Variants in CLSTN1 observed in about 807,000 individuals in gnomAD.
The protein encoded by CLSTN1 is calsyntenin 1.
A neutral mutation model predicts 108.3 loss-of-function variants in CLSTN1; 28 were observed. The ratio of observed to expected loss-of-function variants is 0.26; its 90% CI spans 0.19 to 0.35. The LOEUF is 0.35. Ranked by LOEUF, CLSTN1 falls within the 10% of genes least tolerant of loss-of-function variation. The pLI is 1.00. For synonymous variants in CLSTN1, 524 were observed against 534.9 expected, an observed-to-expected ratio of 0.98 and a Z score of 0.28; for missense variants, 1,157 against 1,302.6, an observed-to-expected ratio of 0.89 and a Z score of 1.72.
intron 1 of CLSTN1, among the ~76,000 whole-genome samples, chr1:9,793,579 C>T (rs1484531983): frequency 6.6e-6 from 1 of 151,516 alleles, no homozygotes; most frequent in South Asian, 2.2e-4. Context: ...GGAGGCCATT[C>T]GAAAGCTTTC....
chr1:9,770,263 A>C (rs1652605999), intron 2 of CLSTN1, among the ~76,000 whole-genome samples: 1 of 152,226 alleles, frequency 6.6e-6, no homozygotes, highest in Admixed American at 6.5e-5. Flanking sequence ...TTTGTACATC[A>C]GTAAAAAAAA....
chr1:9,767,976 C>T (rs1404955480), intron 2 of CLSTN1, among the ~76,000 whole-genome samples: 1 of 152,180 alleles, frequency 6.6e-6, no homozygotes, highest in Admixed American at 6.5e-5. Context: ...GCTAACATTC[C>T]CCCAAACCAA....
upstream of CLSTN1, chr1:9,824,018 T>TGGCGGCGGGAGGGGCGGGGA (rs1655306533): frequency 1.0e-5 from 1 of 99,764 alleles, no homozygotes; most frequent in African/African-American, 3.7e-5. This position sits in a 1 kb window ranked among gnomAD's most constrained non-coding sequence, Gnocchi z 5.0. Flanking sequence ...GGGGGCGGGG[T>TGGCGGCGGGAGGGGCGGGGA]GGCGGCGGGA....
intron 7 of CLSTN1, among the ~76,000 whole-genome samples, 178 bp downstream of exon 7, chr1:9,749,283 C>T (rs1301539666): frequency 6.6e-6 from 1 of 152,142 alleles, no homozygotes; most frequent in Non-Finnish European, 1.5e-5. Context: ...CTGCCCCACC[C>T]CCGAAGCCCA....
Position 9,734,553 on chromosome 1 carries a change from C to T in CLSTN1, c.2110+395G>A, listed in dbSNP as rs976930024. Among the ~76,000 whole-genome samples the T allele has an allele frequency of 5.4e-5, 8 of 146,994 alleles. No individual in the cohort carries two copies. Among genetic ancestry groups the T allele is most frequent in the Admixed American group, 2.1e-4 (3 of 14,588 alleles). On this transcript the variant is annotated intron_variant, in intron 14 of 18. Transcript: ENST00000377298. The surrounding 1 kb of genome is among the most constrained non-coding windows in gnomAD (Gnocchi z 4.8). ...TGACACCATTGCACTCCAGCCTGGG[C>T]GACAGAGTGAGACTCCATCTCAAAA...
Position 9,734,203 on chromosome 1 carries a change from C to T in CLSTN1, c.2111-61G>A, listed in dbSNP as rs1354047493. On this transcript the variant is annotated intron_variant, in intron 14 of 18. Coordinates refer to ENST00000377298, the MANE Select transcript of CLSTN1 (RefSeq NM_001009566.3). The surrounding 1 kb of genome is among the most constrained non-coding windows in gnomAD (Gnocchi z 4.8). ...GGCAGTGGGGCCCAGCGTGGCGGGG[C>T]ACACTGGATGCCCTGCCGGCTCACC... 32 of 1,547,440 alleles carry T rather than the reference C, an allele frequency of 2.1e-5. No homozygotes were observed. Among genetic ancestry groups the T allele is most frequent in the Non-Finnish European group, 2.7e-5 (30 of 1,129,134 alleles).
intron 4 of CLSTN1, among the ~76,000 whole-genome samples, chr1:9,754,285 G>C (rs1412174836): frequency 6.6e-6 from 1 of 152,174 alleles, no homozygotes; most frequent in African/African-American, 2.4e-5. Context: ...ACCTAGGCCG[G>C]GTGTGGTGGC....
rs549145155 is a variant in CLSTN1, at chr1:9,784,996, CTT to C, written c.92-11604_92-11603del. Among the ~76,000 whole-genome samples, 887 of 133,374 alleles carry C rather than the reference CTT, an allele frequency of 6.7e-3. 10 individuals are homozygous for C. The highest frequency in any genetic ancestry group is 0.023 in the African/African-American group (831 of 36,608). 87.5% of individuals were successfully genotyped at this position (133,374 alleles called of 152,430 possible). ...TAAGTATTGTCCCTAGTCATAAATT[CTT>C]TTTTTTTTTTTTTTTGAGAGTCTTG... On this transcript the variant is annotated intron_variant, in intron 1 of 18. Transcript: ENST00000377298.
intron 1 of CLSTN1, among the ~76,000 whole-genome samples, chr1:9,782,641 TAATC>T (rs1387576618): frequency 2.0e-5 from 3 of 152,164 alleles, no homozygotes; most frequent in Non-Finnish European, 4.4e-5. Context: ...AAAAATACAA[TAATC>T]AACTTTAGGA....
intron 1 of CLSTN1, among the ~76,000 whole-genome samples, chr1:9,786,203 A>G (rs1254538870): frequency 6.6e-6 from 1 of 152,158 alleles, no homozygotes; most frequent in East Asian, 1.9e-4. Context: ...AACAAAAAAC[A>G]CACACATTAA....
At chr1:9,816,906 C>A (rs145408493) in intron 1 of CLSTN1, among the ~76,000 whole-genome samples, 1 of 152,194 alleles carries the variant, frequency 6.6e-6, no homozygotes, top group Non-Finnish European at 1.5e-5. Context: ...CTCGGCCTCC[C>A]GAAGTGCTAG....
At chr1:9,744,787 C>G (rs913500837) in intron 7 of CLSTN1, 144 bp from the exon 8 acceptor site, 1 of 1,053,938 alleles carries the variant, frequency 9.5e-7, no homozygotes, top group East Asian at 2.6e-5. Flanking sequence ...CAGAGTCTTG[C>G]TTTGTCCCCA....
chr1:9,811,859 CA>C (rs1197879241), intron 1 of CLSTN1, among the ~76,000 whole-genome samples: 11 of 151,980 alleles, frequency 7.2e-5, no homozygotes, highest in South Asian at 4.2e-4. Context: ...AAACATAGGC[CA>C]GGGGCGATGG....
rs749847605 is a variant in CLSTN1, at chr1:9,735,622, T to C, written c.1735-7A>G. On this transcript the variant is annotated splice_polypyrimidine_tract_variant and splice_region_variant and intron_variant, in intron 12 of 18. Coordinates refer to ENST00000377298, the MANE Select transcript of CLSTN1 (RefSeq NM_001009566.3). Reference sequence around the variant, plus strand: ...GGCTGGGGTGTGCTTGGATCTGAAATCACACCAGCCACAGAGAGGAGAAGA... The same window carrying C: ...GGCTGGGGTGTGCTTGGATCTGAAACCACACCAGCCACAGAGAGGAGAAGA... The C allele has an allele frequency of 6.2e-7, 1 of 1,613,246 alleles. No homozygotes were observed. Among genetic ancestry groups the C allele is most frequent in the African/African-American group, 1.3e-5 (1 of 74,952 alleles).
At position 9,751,682 on chromosome 1, in the gene CLSTN1, C is replaced by CT; in HGVS notation, c.441-2dup. 1 of 1,613,752 alleles carries CT rather than the reference C, an allele frequency of 6.2e-7. No individual in the cohort carries two copies. Among genetic ancestry groups the CT allele is most frequent in the Non-Finnish European group, 8.5e-7 (1 of 1,179,764 alleles). On this transcript the variant is annotated splice_acceptor_variant, in intron 4 of 18. Transcript: ENST00000377298. LOFTEE classifies it high-confidence loss of function. ...GTTCACCTGAATATGAACAGTTGCTCTGGACAAAGGGAGGGAGAAAAATAT... is the reference window on the plus strand; with the variant it reads ...GTTCACCTGAATATGAACAGTTGCTCTTGGACAAAGGGAGGGAGAAAAATAT...
Position 9,731,892 on chromosome 1 carries a change from T to G in CLSTN1, c.2432A>C (p.Asn811Thr), listed in dbSNP as rs776534564. 5.0e-6 allele frequency: 8 copies of G among 1,614,098 alleles called. No homozygotes were observed. In the South Asian group the frequency reaches 7.7e-5, roughly 16 times the overall value. The change falls in exon 17 of 19, where the codon AAT becomes ACT. Residue 811 changes from asparagine to threonine, a missense_variant. Coordinates refer to ENST00000377298, the MANE Select transcript of CLSTN1 (RefSeq NM_001009566.3). ...CATGGGGTTGGCCGTGTGGATTACA[T>G]TCACCTATAGCAGAGAAAGAGAGGA... ...YISNEFKVEV[N>T]VIHTANPMEH...
intron 2 of CLSTN1, among the ~76,000 whole-genome samples, chr1:9,766,064 C>T (rs530187822): frequency 3.3e-5 from 5 of 152,228 alleles, no homozygotes; most frequent in Non-Finnish European, 7.3e-5. Flanking sequence ...CAGGGCTCCT[C>T]GGTGGGCTCT....
rs775430059 is a variant in CLSTN1, at chr1:9,750,715, C to CAAAAAAAAAAAAA, written c.649+745_649+757dup. Among the ~76,000 whole-genome samples the CAAAAAAAAAAAAA allele has an allele frequency of 3.4e-3, 259 of 76,668 alleles. 5 individuals carry two copies. The highest frequency in any genetic ancestry group is 7.0e-3 in the African/African-American group (159 of 22,868). 50.3% of individuals were successfully genotyped at this position (76,668 alleles called of 152,430 possible). A position where few individuals can be genotyped will look rare whatever the true frequency, so the allele number is the denominator to read the frequency against. ...CGACAGAGCAAGACCTTCCCTCAAACAAAAAAAAAAAAAAAAAAGATGTCA... is the reference window on the plus strand; with the variant it reads ...CGACAGAGCAAGACCTTCCCTCAAACAAAAAAAAAAAAAAAAAAAAAAAAAAAAAAAGATGTCA... On this transcript the variant is annotated intron_variant, in intron 5 of 18. Coordinates refer to ENST00000377298, the MANE Select transcript of CLSTN1 (RefSeq NM_001009566.3).
rs746204455 is a variant in CLSTN1, at chr1:9,749,587, T to C, written c.859A>G (p.Ile287Val). 4.3e-6 allele frequency: 7 copies of C among 1,614,060 alleles called. No individual in the cohort carries two copies. Among genetic ancestry groups the C allele is most frequent in the Non-Finnish European group, 5.9e-6 (7 of 1,180,030 alleles). Reference sequence around the variant, plus strand: ...GGCTCGTCACATGTCTCCAGGTGGATATTTGGAAAGACGGCCAACGCGCCG... The same window carrying C: ...GGCTCGTCACATGTCTCCAGGTGGACATTTGGAAAGACGGCCAACGCGCCG... Reference protein sequence around the residue: ...GTGALAVFPNIHLETCDEPVA... With the variant: ...GTGALAVFPNVHLETCDEPVA... Residue 287 changes from isoleucine (I) to valine (V), a missense_variant, in exon 7 of 19, where the codon ATC (isoleucine) becomes GTC (valine). Ile to Val is a conservative substitution (Grantham distance 29). Transcript: ENST00000377298.
Sources: allele counts gnomAD v4.1 joint callset (sites outside exome capture counted in the v4.1 genomes callset), GRCh38; gene constraint gnomAD v4.1.1; non-coding constraint Gnocchi (gnomAD v3.1); transcripts MANE v1.5; gene names NCBI Gene and HGNC (gene_info 2026-07-23, HGNC 2026-07-21).